Variants in CCDC3 observed in about 807,000 individuals in gnomAD.
CCDC3 encodes coiled-coil domain-containing protein 3.
In CCDC3, 24 loss-of-function variants were observed where a neutral mutation model predicts 21.4. The observed-to-expected ratio is 1.12, with a 90% CI of 0.81 to 1.58. The LOEUF is 1.58. Ranked by LOEUF, CCDC3 falls within the 40% of genes most tolerant of loss-of-function variation. CCDC3 has a pLI of 0.00. For missense variants in CCDC3, 425 were observed against 360.9 expected (o/e 1.18, Z -1.44); for synonymous variants, 186 against 166.0 (o/e 1.12, Z -0.93).
chr10:12,948,203 C>T (rs1834948492), intron 2 of CCDC3, among the ~76,000 whole-genome samples: 1 of 152,176 alleles, frequency 6.6e-6, no homozygotes, highest in Non-Finnish European at 1.5e-5. Flanking sequence ...TGCCTGCCAC[C>T]ACATAAGATG....
chr10:13,006,999 C>T (rs191051327), intron 5 of CCDC3, among the ~76,000 whole-genome samples: 37 of 152,260 alleles, frequency 2.4e-4, no homozygotes, highest in African/African-American at 8.7e-4. Context: ...TACTAGTATG[C>T]CCCTCCCGAC....
intron 2 of CCDC3, among the ~76,000 whole-genome samples, chr10:12,924,989 T>G (rs74962360): frequency 0.056 from 8,504 of 152,292 alleles, 255 homozygotes; most frequent in Non-Finnish European, 0.072. Context: ...GCAGCCCGTG[T>G]GGACACCAAG....
In CCDC3 at chr10:12,908,612, CT is replaced by C. The variant is rs764071462; in HGVS notation, c.550-9934del. ...TTCTTGGCTAAGAACTGTGATTTTT[CT>C]TTTTTTTTTTTTTTGAGACAGAGTT... is the stretch of plus-strand genomic sequence containing the variant. On this transcript the variant is annotated intron_variant, in intron 2 of 2. Coordinates refer to ENST00000378825, the MANE Select transcript of CCDC3 (RefSeq NM_031455.4). Among the ~76,000 whole-genome samples the C allele has an allele frequency of 2.0e-3, 283 of 139,224 alleles. 1 individual carries two copies. Among genetic ancestry groups the C allele is most frequent in the Admixed American group, 2.6e-3 (36 of 13,988 alleles). 91.3% of individuals were successfully genotyped at this position (139,224 alleles called of 152,430 possible). A position where few individuals can be genotyped will look rare whatever the true frequency, so the allele number is the denominator to read the frequency against.
chr10:13,003,398 C>G (rs1835889704), upstream of CCDC3, among the ~76,000 whole-genome samples: 1 of 152,170 alleles, frequency 6.6e-6, no homozygotes, highest in Non-Finnish European at 1.5e-5. Flanking sequence ...GTTGACCAAG[C>G]TAGGATTCAG....
At chr10:12,902,277 G>C (rs1015208177) in intron 2 of CCDC3, among the ~76,000 whole-genome samples, 2 of 152,204 alleles carry the variant, frequency 1.3e-5, no homozygotes, top group Non-Finnish European at 2.9e-5. Flanking sequence ...TTACAGGGGA[G>C]ACCATATGTG....
chr10:13,069,105 A>G (rs954478283), intron 4 of CCDC3, among the ~76,000 whole-genome samples: 1 of 151,962 alleles, frequency 6.6e-6, no homozygotes, highest in Non-Finnish European at 1.5e-5. Context: ...AAAATACAAA[A>G]TTAGCTGGGC....
At chr10:13,035,017 C>T (rs894075857) in intron 5 of CCDC3, among the ~76,000 whole-genome samples, 4 of 146,398 alleles carry the variant, frequency 2.7e-5, no homozygotes, top group African/African-American at 1.0e-4. Flanking sequence ...CAAAGTGAGA[C>T]TCTGTCTCAA....
At chr10:13,091,127 C>T (rs1005071749) in intron 3 of CCDC3, among the ~76,000 whole-genome samples, 1 of 152,206 alleles carries the variant, frequency 6.6e-6, no homozygotes, top group Non-Finnish European at 1.5e-5. Flanking sequence ...TCTAGCCTCA[C>T]TGGCAACCAA....
chr10:12,943,282 G>A (rs896594967), intron 2 of CCDC3, among the ~76,000 whole-genome samples: 1 of 151,714 alleles, frequency 6.6e-6, no homozygotes, highest in East Asian at 1.9e-4. Context: ...GCACCCCCCC[G>A]CAAACGACTA....
intron 2 of CCDC3, among the ~76,000 whole-genome samples, chr10:12,987,657 T>C (rs529957824): frequency 2.0e-5 from 3 of 152,308 alleles, no homozygotes; most frequent in African/African-American, 4.8e-5. Context: ...AGGTATGTTA[T>C]TAATTAATTC....
rs185172393 is a variant in CCDC3, at chr10:12,933,333, A to G, written c.550-34654T>C. On this transcript the variant is annotated intron_variant, in intron 2 of 2. Transcript: ENST00000378825. ...ACTGATTCAATTTATTTAATAGATT[A>G]TAGGTCTATTCAGATTCTCTTTCTT... Among the ~76,000 whole-genome samples, 327 of 152,318 alleles carry G rather than the reference A, an allele frequency of 2.1e-3. 2 individuals are homozygous for G. Among genetic ancestry groups the G allele is most frequent in the African/African-American group, 7.6e-3 (314 of 41,560 alleles).
At chr10:12,928,600 T>C (rs77195279) in intron 2 of CCDC3, among the ~76,000 whole-genome samples, 1 of 152,192 alleles carries the variant, frequency 6.6e-6, no homozygotes, top group Non-Finnish European at 1.5e-5. Context: ...CTGGGACTCC[T>C]GTTAGACGTG....
chr10:12,988,232 T>C (rs1029663411), intron 2 of CCDC3, among the ~76,000 whole-genome samples: 1 of 152,200 alleles, frequency 6.6e-6, no homozygotes, highest in Non-Finnish European at 1.5e-5. Flanking sequence ...CCAATTGCAA[T>C]GGCTTCTTGG....
chr10:12,955,349 G>C (rs546814898), intron 2 of CCDC3, among the ~76,000 whole-genome samples: 1 of 152,104 alleles, frequency 6.6e-6, no homozygotes. Flanking sequence ...TCTCCAATTA[G>C]GATTCCACTC....
intron 2 of CCDC3, among the ~76,000 whole-genome samples, chr10:12,918,685 C>T (rs578205447): frequency 6.6e-6 from 1 of 152,188 alleles, no homozygotes; most frequent in African/African-American, 2.4e-5. Context: ...GCCCATCTAC[C>T]CCATGTAACA....
intron 3 of CCDC3, among the ~76,000 whole-genome samples, chr10:13,076,385 T>C (rs146442150): frequency 7.4e-4 from 112 of 152,364 alleles, no homozygotes; most frequent in Middle Eastern, 3.4e-3. Flanking sequence ...TAGATATTCC[T>C]AGCCTCTAGA....
At chr10:12,971,182 C>T (rs1835338141) in intron 2 of CCDC3, among the ~76,000 whole-genome samples, 1 of 152,204 alleles carries the variant, frequency 6.6e-6, no homozygotes, top group Non-Finnish European at 1.5e-5. Flanking sequence ...GCTATATTTA[C>T]ACCATGGAGT....
chr10:12,977,303 G>A (rs577933942), intron 2 of CCDC3, among the ~76,000 whole-genome samples: 2 of 151,442 alleles, frequency 1.3e-5, no homozygotes, highest in African/African-American at 4.8e-5. Context: ...GGAAAGGAAA[G>A]GGGAAAGGAA....
At chr10:12,962,247 A>G (rs1382898910) in intron 2 of CCDC3, among the ~76,000 whole-genome samples, 1 of 152,242 alleles carries the variant, frequency 6.6e-6, no homozygotes, top group East Asian at 1.9e-4. Flanking sequence ...CGTAACGATC[A>G]GTAAGCCCCC....
Sources: gnomAD v4.1 joint callset for allele counts (sites outside exome capture counted in the v4.1 genomes callset) on GRCh38, gnomAD v4.1.1 for gene constraint, MANE v1.5 for transcripts, NCBI Gene and HGNC (gene_info 2026-07-23, HGNC 2026-07-21) for gene names.